Variants in ATXN3 observed in about 807,000 individuals in gnomAD.
ATXN3 encodes ataxin-3.
Under a neutral mutation model 58.2 loss-of-function variants are expected in ATXN3, and 28 were observed. The ratio of observed to expected loss-of-function variants is 0.48; its 90% CI spans 0.36 to 0.66. ATXN3 has a LOEUF of 0.66. ATXN3 is among the 30% of genes least tolerant of loss of function. The pLI is 0.00. For missense variants in ATXN3, 321 were observed against 422.1 expected (o/e 0.76, Z 2.10); for synonymous variants, 113 against 138.5 (o/e 0.82, Z 1.29).
intron 1 of ATXN3, among the ~76,000 whole-genome samples, chr14:92,100,638 C>G (rs535267443): frequency 6.6e-6 from 1 of 152,106 alleles, no homozygotes; most frequent in Non-Finnish European, 1.5e-5. Context: ...ATACACTGTA[C>G]ACTTCCAGTC....
intron 6 of ATXN3, chr14:92,083,648 T>C (rs762361430): frequency 2.4e-5 from 8 of 335,386 alleles, no homozygotes; most frequent in Non-Finnish European, 4.7e-5. Context: ...TCCCACTTCC[T>C]AGCTGCATTT....
intron 2 of ATXN3, 140 bp from the exon 3 acceptor site, chr14:92,096,277 C>A: frequency 1.3e-6 from 2 of 1,554,018 alleles, no homozygotes; most frequent in South Asian, 2.4e-5. Context: ...ATTCACCAGT[C>A]AGATCCCTAT....
intron 1 of ATXN3, among the ~76,000 whole-genome samples, chr14:92,102,642 C>T (rs1405864031): frequency 2.0e-5 from 3 of 152,196 alleles, no homozygotes; most frequent in East Asian, 3.9e-4. Context: ...CAAACACAAG[C>T]ACCTGAGTAA....
At chr14:92,099,669 G>A (rs1272021044) in intron 1 of ATXN3, among the ~76,000 whole-genome samples, 1 of 151,906 alleles carries the variant, frequency 6.6e-6, no homozygotes, top group Non-Finnish European at 1.5e-5. Flanking sequence ...AGAAGTTTGA[G>A]ACCAGCCTGG....
Position 92,093,748 on chromosome 14 carries a change from A to T in ATXN3, c.318T>A (p.Pro106=). The T allele has an allele frequency of 1.9e-6, 3 of 1,588,930 alleles. No individual in the cohort carries two copies. Among genetic ancestry groups the T allele is most frequent in the Non-Finnish European group, 2.6e-6 (3 of 1,164,902 alleles). The change falls in exon 4 of 11, where the codon CCT becomes CCA. Residue 106 remains proline (P), a splice_region_variant and synonymous_variant. Coordinates refer to ENST00000644486, the MANE Select transcript of ATXN3 (RefSeq NM_004993.6). The part of the protein sequence containing the change: ...SPEYQRLRID[P]INERSFICNY... ...TGAAATGCAAAACAGAATCTTACAT[A>T]GGATCGATCCTGAGCCTCTGATACT...
chr14:92,098,507 A>C (rs1320779791), intron 1 of ATXN3, among the ~76,000 whole-genome samples: 1 of 152,152 alleles, frequency 6.6e-6, no homozygotes, highest in East Asian at 1.9e-4. Context: ...GAATCGCTTG[A>C]ACCCAGGAAG....
At chr14:92,088,359 C>T (rs967430091) in intron 6 of ATXN3, among the ~76,000 whole-genome samples, 8 of 152,096 alleles carry the variant, frequency 5.3e-5, no homozygotes, top group African/African-American at 1.9e-4. Flanking sequence ...CGTGAGCCAC[C>T]GTGCCCAGCC....
chr14:92,053,223 C>A (rs2057454355), upstream of ATXN3, among the ~76,000 whole-genome samples: 1 of 152,140 alleles, frequency 6.6e-6, no homozygotes, highest in South Asian at 2.1e-4. Context: ...GATCTCCAGC[C>A]TGGGTGACAG....
chr14:92,093,949 T>TG, intron 3 of ATXN3, 118 bp from the exon 4 acceptor site: 1 of 517,624 alleles, frequency 1.9e-6, no homozygotes, highest in Admixed American at 3.7e-5. Context: ...TATAGGTTTT[T>TG]TTTTTTTTTT....
At chr14:92,076,260 A>G (rs928888276) in intron 9 of ATXN3, among the ~76,000 whole-genome samples, 6 of 152,114 alleles carry the variant, frequency 3.9e-5, no homozygotes, top group Non-Finnish European at 7.4e-5. Flanking sequence ...AGTCTGGCCA[A>G]CATGGTGAAA....
In ATXN3 at chr14:92,060,591, G is replaced by A. The variant is rs146242536; in HGVS notation, c.*3729C>T. ...CATCAATATTAACTATTGAATCCTC[G>A]TAAGAATTTAAAACATCAAGATTTA... On this transcript the variant is annotated 3_prime_UTR_variant, in exon 11 of 11. Coordinates refer to ENST00000644486, the MANE Select transcript of ATXN3 (RefSeq NM_004993.6). 1.2e-4 allele frequency: 18 copies of A among 151,856 alleles called. No homozygotes were observed. The highest frequency in any genetic ancestry group is 2.4e-4 in the African/African-American group (10 of 41,388). 9.4% of individuals were successfully genotyped at this position (151,856 alleles called of 1,614,324 possible).
In ATXN3 at chr14:92,060,981, T is replaced by G. The variant is rs1004693648; in HGVS notation, c.*3339A>C. The G allele has an allele frequency of 4.6e-5, 7 of 151,220 alleles. No homozygotes were observed. The highest frequency in any genetic ancestry group is 8.9e-5 in the Non-Finnish European group (6 of 67,696). 9.4% of individuals were successfully genotyped at this position (151,220 alleles called of 1,614,324 possible). On this transcript the variant is annotated 3_prime_UTR_variant, in exon 11 of 11. Transcript: ENST00000644486. Reference sequence around the variant, plus strand: ...ACTCCCGACCTCGTGATCCACCCACTTCGGCCTCCCAAAATGCTGGGATTA... The same window carrying G: ...ACTCCCGACCTCGTGATCCACCCACGTCGGCCTCCCAAAATGCTGGGATTA...
chr14:92,070,890 A>G, intron 10 of ATXN3, 45 bp downstream of exon 10: 2 of 1,614,028 alleles, frequency 1.2e-6, no homozygotes, highest in Non-Finnish European at 8.5e-7. Flanking sequence ...TATGTCAGAT[A>G]AAGTGTGAAG....
At chr14:92,046,778 G>A (rs1251175366) in intron 2 of ATXN3, among the ~76,000 whole-genome samples, 2 of 152,214 alleles carry the variant, frequency 1.3e-5, no homozygotes, top group East Asian at 1.9e-4. Flanking sequence ...TTGTTGTTTT[G>A]TAGAAGGTGT....
chr14:92,101,536 G>T lies in ATXN3; in HGVS notation c.25-4698C>A, dbSNP rs140763936. Among the ~76,000 whole-genome samples, 148 of 152,236 alleles carry T rather than the reference G, an allele frequency of 9.7e-4. 1 individual carries two copies. Among genetic ancestry groups the T allele is most frequent in the African/African-American group, 3.4e-3 (143 of 41,554 alleles). On this transcript the variant is annotated intron_variant, in intron 1 of 10. Coordinates refer to ENST00000644486, the MANE Select transcript of ATXN3 (RefSeq NM_004993.6). ...TTTAATCAAAGCAGAAGTTCACTTT[G>T]CCATAATCAAAGTTCAGCGGTATTG...
At chr14:92,106,401 G>C in intron 1 of ATXN3, 128 bp downstream of exon 1, 2 of 1,208,846 alleles carry the variant, frequency 1.7e-6, no homozygotes, top group South Asian at 2.6e-5. Flanking sequence ...CTGCGGCGTC[G>C]CCCCTCGCCG....
At position 92,104,766 on chromosome 14, in the gene ATXN3, T is replaced by C. The variant is rs555631426; in HGVS notation, c.24+1763A>G. On this transcript the variant is annotated intron_variant, in intron 1 of 10. Coordinates refer to ENST00000644486, the MANE Select transcript of ATXN3 (RefSeq NM_004993.6). Reference sequence around the variant, plus strand: ...GGTGAAACCCTGTCTCTACTAAAAATACAAAAATTAGCTGGGCGTGGTGGC... The same window carrying C: ...GGTGAAACCCTGTCTCTACTAAAAACACAAAAATTAGCTGGGCGTGGTGGC... 1.3e-3 allele frequency among the ~76,000 whole-genome samples: 204 copies of C among 151,434 alleles called. 1 individual carries two copies. The highest frequency in any genetic ancestry group is 2.0e-3 in the Non-Finnish European group (137 of 67,836).
chr14:92,070,218 T>A (rs2059182306), intron 10 of ATXN3, among the ~76,000 whole-genome samples: 1 of 152,216 alleles, frequency 6.6e-6, no homozygotes, highest in African/African-American at 2.4e-5. Context: ...CCCATTGTTA[T>A]TTAGATTATA....
intron 9 of ATXN3, 67 bp from the exon 10 acceptor site, chr14:92,071,120 A>C (rs748088552): frequency 1.3e-6 from 2 of 1,527,820 alleles, no homozygotes; most frequent in Non-Finnish European, 1.8e-6. Flanking sequence ...ACCATGAGAA[A>C]AACTATTCAT....
Sources: gnomAD v4.1 joint callset for allele counts (sites outside exome capture counted in the v4.1 genomes callset) on GRCh38, gnomAD v4.1.1 for gene constraint, MANE v1.5 for transcripts, NCBI Gene and HGNC (gene_info 2026-07-23, HGNC 2026-07-21) for gene names.